OTC: variants seen among roughly 807,000 people sequenced by gnomAD.
OTC encodes ornithine transcarbamylase, mitochondrial.
OTC carries 3 observed loss-of-function variants against 30.3 expected under a neutral mutation model. The ratio of observed to expected loss-of-function variants is 0.10; its 90% confidence interval spans 0.05 to 0.26. OTC has a LOEUF of 0.26. Among genes scored for constraint, OTC ranks in the 10% least tolerant of loss-of-function variants. The pLI is 1.00. For missense variants in OTC, 194 were observed against 260.3 expected (o/e 0.75, Z 1.75); for synonymous variants, 111 against 99.7 (o/e 1.11, Z -0.67).
intron 3 of OTC, among the ~76,000 whole-genome samples, chrX:38,374,381 C>A (rs1378720261): frequency 9.1e-6 from 1 of 109,652 alleles, no homozygotes; most frequent in African/African-American, 3.3e-5. Context: ...CTCATAAGCA[C>A]GTATTACCAT....
upstream of OTC, among the ~76,000 whole-genome samples, chrX:38,349,517 C>T (rs890180485): frequency 8.9e-6 from 1 of 112,502 alleles, no homozygotes; most frequent in Non-Finnish European, 1.9e-5. Flanking sequence ...AAGTTCAATC[C>T]TCTCTGTCTC....
intron 4 of OTC, among the ~76,000 whole-genome samples, chrX:38,382,375 A>G (rs1326774686): frequency 8.9e-6 from 1 of 112,522 alleles, no homozygotes; most frequent in East Asian, 2.8e-4. Flanking sequence ...TCAAAAGAGA[A>G]GACTAATGAT....
chrX:38,420,220 C>T (rs1311295876), intron 9 of OTC, among the ~76,000 whole-genome samples: 3 of 111,152 alleles, frequency 2.7e-5, no homozygotes, highest in African/African-American at 9.8e-5. Flanking sequence ...TATCTGTCAT[C>T]TCAAGGATTG....
intron 9 of OTC, among the ~76,000 whole-genome samples, chrX:38,419,179 T>C (rs1340301336): frequency 1.8e-5 from 2 of 112,055 alleles, no homozygotes; most frequent in African/African-American, 3.2e-5. Flanking sequence ...CTTTCCTTAC[T>C]GTTTTGTTGG....
intron 1 of OTC, among the ~76,000 whole-genome samples, chrX:38,364,409 G>A (rs147490061): frequency 0.022 from 2,488 of 111,810 alleles, 78 homozygotes; most frequent in African/African-American, 0.076. Context: ...CTTTGAAATA[G>A]CAATGTTAAC....
chrX:38,348,138 G>A (rs1391782193), upstream of OTC, among the ~76,000 whole-genome samples: 2 of 111,709 alleles, frequency 1.8e-5, no homozygotes, highest in Non-Finnish European at 3.8e-5. Flanking sequence ...CATGATAGGC[G>A]AATTCTAATT....
chrX:38,365,692 C>A (rs2147322529), intron 1 of OTC, among the ~76,000 whole-genome samples: 1 of 112,492 alleles, frequency 8.9e-6, no homozygotes, highest in African/African-American at 3.2e-5. Context: ...CCACAGTAAA[C>A]TGATGTCAGG....
intron 4 of OTC, among the ~76,000 whole-genome samples, chrX:38,385,127 G>T (rs930942284): frequency 6.3e-5 from 7 of 111,156 alleles, no homozygotes; most frequent in Non-Finnish European, 9.4e-5. Flanking sequence ...AAAATTAGCT[G>T]GGTGTGGTGG....
intron 9 of OTC, among the ~76,000 whole-genome samples, chrX:38,413,185 A>G (rs1280599262): frequency 1.8e-5 from 2 of 112,296 alleles, no homozygotes; most frequent in African/African-American, 6.5e-5. Context: ...GCTGGAAAGG[A>G]CTAGCTTCTA....
intron 6 of OTC, among the ~76,000 whole-genome samples, chrX:38,405,725 A>G (rs979207786): frequency 8.9e-6 from 1 of 111,732 alleles, no homozygotes; most frequent in African/African-American, 3.3e-5. Context: ...TACAACAGAT[A>G]ATTCTCCTCT....
chrX:38,383,715 T>C (rs1215595322), intron 4 of OTC, among the ~76,000 whole-genome samples: 1 of 109,860 alleles, frequency 9.1e-6, no homozygotes, highest in Non-Finnish European at 1.9e-5. Flanking sequence ...GGAGAGTTGC[T>C]TAAACTCGGG....
chrX:38,351,160 T>G (rs768030997), upstream of OTC, among the ~76,000 whole-genome samples: 31 of 112,160 alleles, frequency 2.8e-4, no homozygotes, highest in Non-Finnish European at 4.9e-4. Flanking sequence ...TCCCCTCACT[T>G]TATCTCACAT....
the OTC span, chrX:38,327,690 G>A: frequency 1.4e-5 from 5 of 347,203 alleles, no homozygotes; most frequent in Non-Finnish European, 2.0e-5. Flanking sequence ...CTGGAGCAGA[G>A]AGGCGGCCAC....
intron 3 of OTC, 63 bp downstream of exon 3, chrX:38,369,940 G>A: frequency 2.6e-6 from 2 of 783,712 alleles, no homozygotes; most frequent in Non-Finnish European, 3.9e-6. Flanking sequence ...AGACTTTGGA[G>A]GGGTAACCCA....
At chrX:38,411,721 TA>T in intron 8 of OTC, 140 bp from the exon 9 acceptor site, 1 of 609,236 alleles carries the variant, frequency 1.6e-6, no homozygotes, top group Non-Finnish European at 2.8e-6. Context: ...TGTCTTGAGA[TA>T]AAACCATCAC....
At chrX:38,390,731 A>C (rs1366416202) in intron 4 of OTC, among the ~76,000 whole-genome samples, 1 of 112,072 alleles carries the variant, frequency 8.9e-6, no homozygotes, top group Non-Finnish European at 1.9e-5. Context: ...TTTTAAGAGC[A>C]CCAGGATTGC....
At position 38,421,358 on chromosome X, in the gene OTC, A is replaced by G. The variant is rs1016109235; in HGVS notation, c.*276A>G. On this transcript the variant is annotated 3_prime_UTR_variant, in exon 10 of 10. Transcript: ENST00000039007. ...TTAATTATCATATACATTTACTTCA[A>G]CATAAAATACTGTGTTCATAATGTA... The G allele has an allele frequency of 2.3e-5, 7 of 307,539 alleles. No individual in the cohort carries two copies. Among genetic ancestry groups the G allele is most frequent in the Non-Finnish European group, 4.1e-5 (7 of 172,344 alleles). The allele number at this position is 307,539 out of a possible 1,213,427, so 25.3% of individuals were successfully genotyped here.
intron 9 of OTC, among the ~76,000 whole-genome samples, chrX:38,417,408 C>A (rs1009629586): frequency 2.7e-5 from 3 of 111,171 alleles, no homozygotes; most frequent in African/African-American, 9.8e-5. Context: ...AAAAATAGAA[C>A]CAACCTCTTA....
the OTC span, among the ~76,000 whole-genome samples, chrX:38,334,971 G>A: frequency 1.8e-5 from 2 of 111,951 alleles, no homozygotes; most frequent in Admixed American, 9.4e-5. Context: ...TTGCCCGTTC[G>A]TTATGAGACT....
Sources: gnomAD v4.1 joint callset for allele counts (sites outside exome capture counted in the v4.1 genomes callset) on GRCh38, gnomAD v4.1.1 for gene constraint, MANE v1.5 for transcripts, NCBI Gene and HGNC (gene_info 2026-07-23, HGNC 2026-07-21) for gene names.